PCF11: variants seen among roughly 807,000 people sequenced by gnomAD.
PCF11 encodes PCF11 cleavage and polyadenylation factor subunit, also known as pre-mRNA cleavage complex 2 protein Pcf11.
Under a neutral mutation model 166.1 loss-of-function variants are expected in PCF11, and 19 were observed. The observed-to-expected ratio is 0.11, with a 90% CI of 0.08 to 0.17. PCF11 has a LOEUF of 0.17. Among genes scored for constraint, PCF11 ranks in the 10% least tolerant of loss-of-function variants. The pLI is 1.00. For synonymous variants in PCF11, 663 were observed against 644.1 expected (o/e 1.03, Z -0.44); for missense variants, 1,565 against 1,855.5 (o/e 0.84, Z 2.88).
intron 1 of PCF11, among the ~76,000 whole-genome samples, chr11:83,159,818 CACTTA>C (rs1275630328): frequency 1.3e-5 from 2 of 152,164 alleles, no homozygotes; most frequent in Admixed American, 1.3e-4. Context: ...AAAGGATTCA[CACTTA>C]ATTTGACTCC....
intron 8 of PCF11, among the ~76,000 whole-genome samples, 182 bp from the exon 9 acceptor site, chr11:83,171,636 G>A (rs532175401): frequency 6.6e-6 from 1 of 152,260 alleles, no homozygotes; most frequent in East Asian, 1.9e-4. Flanking sequence ...ATAAGGGAAG[G>A]TTTTATTGTT....
intron 10 of PCF11, 97 bp from the exon 11 acceptor site, chr11:83,177,617 T>G: frequency 1.9e-6 from 1 of 526,058 alleles, no homozygotes; most frequent in Non-Finnish European, 3.2e-6. Flanking sequence ...ATGGACTAGG[T>G]GGATTTCTCT....
intron 2 of PCF11, 78 bp downstream of exon 2, chr11:83,161,530 G>A: frequency 1.9e-6 from 2 of 1,052,782 alleles, no homozygotes; most frequent in Non-Finnish European, 1.3e-6. Flanking sequence ...GCTTTGTGTT[G>A]GGTTTTCTTG....
chr11:83,171,960 G>T (rs1405477528), intron 9 of PCF11, 46 bp downstream of exon 9: 2 of 884,176 alleles, frequency 2.3e-6, no homozygotes, highest in Non-Finnish European at 1.8e-6. Flanking sequence ...AATGATTATT[G>T]TTTTGTTGAA....
intron 1 of PCF11, among the ~76,000 whole-genome samples, chr11:83,160,321 G>GTTTTTTTTTTTTTTTTTTTTTTTTTT (rs35201107): frequency 1.9e-4 from 17 of 91,288 alleles, no homozygotes; most frequent in East Asian, 3.6e-4. Context: ...GATAACCTAA[G>GTTTTTTTTTTTTTTTTTTTTTTTTTT]TTTTTTTTTT....
chr11:83,162,101 A>G (rs914359141), intron 2 of PCF11, among the ~76,000 whole-genome samples: 8 of 152,150 alleles, frequency 5.3e-5, no homozygotes, highest in Middle Eastern at 3.2e-3. Context: ...ACACTGTAAC[A>G]TGGTGGTTTG....
chr11:83,171,720 C>T (rs1215529597), intron 8 of PCF11, 98 bp from the exon 9 acceptor site: 2 of 722,054 alleles, frequency 2.8e-6, no homozygotes, highest in African/African-American at 3.6e-5. Flanking sequence ...ATAAGCCAGG[C>T]CTTGTGACAT....
intron 1 of PCF11, among the ~76,000 whole-genome samples, chr11:83,160,286 T>C (rs1860181760): frequency 6.6e-6 from 1 of 150,440 alleles, no homozygotes; most frequent in Admixed American, 6.6e-5. Flanking sequence ...TTAAGATTCC[T>C]ATACACGTGG....
chr11:83,184,968 T>C, exon 16 of PCF11: 2 of 972,706 alleles, frequency 2.1e-6, no homozygotes, highest in Admixed American at 2.9e-5. Context: ...AATTTTTTTA[T>C]GTATATATAG....
chr11:83,160,208 GCATTGTGTA>G (rs1320807034), intron 1 of PCF11, among the ~76,000 whole-genome samples: 9 of 151,926 alleles, frequency 5.9e-5, no homozygotes, highest in Non-Finnish European at 1.2e-4. Flanking sequence ...ATATATGATG[GCATTGTGTA>G]CTCCAGAACT....
chr11:83,160,830 A>T (rs538608012), intron 1 of PCF11, among the ~76,000 whole-genome samples: 4 of 152,182 alleles, frequency 2.6e-5, no homozygotes, highest in Non-Finnish European at 5.9e-5. Flanking sequence ...CATTTGGATT[A>T]TAGAGAAGTA....
chr11:83,185,314 C>T (rs1565165749), exon 16 of PCF11: 2 of 154,482 alleles, frequency 1.3e-5, no homozygotes, highest in East Asian at 1.9e-4. Context: ...TAGTAGCCTC[C>T]CACTGATTAA....
chr11:83,157,155 A>G (rs368725392), exon 1 of PCF11: 8 of 571,174 alleles, frequency 1.4e-5, no homozygotes, highest in East Asian at 2.8e-5. Flanking sequence ...TTGGGAACAC[A>G]GACATTTTCG....
At chr11:83,183,010 A>C (rs1405383915) in intron 14 of PCF11, 28 bp from the exon 15 acceptor site, 1 of 1,244,078 alleles carries the variant, frequency 8.0e-7, no homozygotes, top group South Asian at 1.3e-5. Flanking sequence ...GAATACGCAC[A>C]TATTTACTTT....
chr11:83,170,337 C>T (rs995085289), intron 8 of PCF11, among the ~76,000 whole-genome samples: 1 of 152,038 alleles, frequency 6.6e-6, no homozygotes, highest in African/African-American at 2.4e-5. Context: ...ACTGTTGAGC[C>T]CTGACGTGCT....
At chr11:83,161,828 T>C (rs1860266834) in intron 2 of PCF11, among the ~76,000 whole-genome samples, 1 of 152,224 alleles carries the variant, frequency 6.6e-6, no homozygotes, top group Non-Finnish European at 1.5e-5. Flanking sequence ...TTGACTGTTC[T>C]CTTGGGGGGG....
At chr11:83,175,419 C>T (rs571539299) in intron 9 of PCF11, among the ~76,000 whole-genome samples, 10 of 151,616 alleles carry the variant, frequency 6.6e-5, no homozygotes, top group South Asian at 4.3e-4. Context: ...AGGTGTGAGC[C>T]GCTGCACCTG....
At chr11:83,175,102 T>G (rs893554105) in intron 9 of PCF11, among the ~76,000 whole-genome samples, 2 of 152,234 alleles carry the variant, frequency 1.3e-5, no homozygotes, top group African/African-American at 4.8e-5. Flanking sequence ...TGTAGTGAGA[T>G]GCATCATAGT....
intron 8 of PCF11, among the ~76,000 whole-genome samples, chr11:83,170,612 T>C (rs1185537266): frequency 6.6e-6 from 1 of 152,232 alleles, no homozygotes; most frequent in African/African-American, 2.4e-5. Context: ...TTCACACTTG[T>C]TCTGTATACA....
Sources: allele counts gnomAD v4.1 joint callset (sites outside exome capture counted in the v4.1 genomes callset), GRCh38; gene constraint gnomAD v4.1.1; transcripts MANE v1.5; gene names NCBI Gene and HGNC (gene_info 2026-07-23, HGNC 2026-07-21).